The following CCPG1 variants were observed in gnomAD, a reference collection of about 807,000 sequenced individuals.
The protein encoded by CCPG1 is cell cycle progression protein 1.
Under a neutral mutation model 81.3 loss-of-function variants are expected in CCPG1, and 46 were observed. That is an observed-to-expected ratio of 0.57 (90% CI 0.45 to 0.72). CCPG1 has a LOEUF of 0.72. Among genes scored for constraint, CCPG1 ranks in the 30% least tolerant of loss-of-function variants. CCPG1 has a pLI of 0.00. For synonymous variants in CCPG1, 330 were observed against 305.2 expected (o/e 1.08, Z -0.85); for missense variants, 902 against 937.6 (o/e 0.96, Z 0.50).
At chr15:55,374,072 G>T in intron 5 of CCPG1, 1 of 724,024 alleles carries the variant, frequency 1.4e-6, no homozygotes, top group Non-Finnish European at 2.1e-6. Context: ...ATGACAACAG[G>T]TATCTTTAAA....
At chr15:55,362,277 TG>T (rs1441703523) in intron 7 of CCPG1, among the ~76,000 whole-genome samples, 3 of 150,706 alleles carry the variant, frequency 2.0e-5, no homozygotes, top group African/African-American at 7.4e-5. Flanking sequence ...ACAAACGTTA[TG>T]GTTACCCCAT....
intron 6 of CCPG1, among the ~76,000 whole-genome samples, chr15:55,369,491 C>T (rs1595830571): frequency 1.3e-5 from 2 of 150,888 alleles, no homozygotes; most frequent in South Asian, 2.1e-4. Flanking sequence ...GCCGAGATCA[C>T]GCACTGCACT....
At chr15:55,375,915 C>T (rs929529793) in intron 5 of CCPG1, among the ~76,000 whole-genome samples, 2 of 152,108 alleles carry the variant, frequency 1.3e-5, no homozygotes, top group Non-Finnish European at 2.9e-5. Context: ...GTCTCGAAAT[C>T]CTGGGTTCAG....
intron 5 of CCPG1, chr15:55,374,019 C>T: frequency 2.9e-6 from 1 of 342,732 alleles, no homozygotes; most frequent in Non-Finnish European, 5.4e-6. Flanking sequence ...GCTTGGCCAG[C>T]TCCTTTACAA....
At chr15:55,397,698 C>T (rs2057047593) in intron 1 of CCPG1, among the ~76,000 whole-genome samples, 1 of 152,054 alleles carries the variant, frequency 6.6e-6, no homozygotes, top group African/African-American at 2.4e-5. Flanking sequence ...TAAATTGGGC[C>T]GGGCATGGTG....
chr15:55,389,277 A>G (rs2141314895), intron 2 of CCPG1, 88 bp downstream of exon 2: 1 of 969,710 alleles, frequency 1.0e-6, no homozygotes. Flanking sequence ...TTAAAGGTAG[A>G]AAAAGACTGA....
intron 1 of CCPG1, among the ~76,000 whole-genome samples, chr15:55,393,167 G>T (rs2056954984): frequency 7.2e-5 from 11 of 152,138 alleles, no homozygotes. Context: ...GCCAAGAGTG[G>T]CGGCTTGCAC....
In CCPG1 at chr15:55,360,936, T is replaced by C; in HGVS notation, c.837A>G (p.Lys279=). The change falls in exon 8 of 9, where the codon AAA becomes AAG. Residue 279 remains lysine, a synonymous_variant. Transcript: ENST00000442196. ...GTGTCCAACACCTTGCAAGATTTTCTTTCAATGACTACATTTTTTTTTGAA... is the reference window on the plus strand; with the variant it reads ...GTGTCCAACACCTTGCAAGATTTTCCTTCAATGACTACATTTTTTTTTGAA... ...QESFIDYKSL[K]ENLARCWTLT... is the part of the protein sequence containing the mutation. The C allele has an allele frequency of 6.5e-7, 1 of 1,531,202 alleles. No homozygotes were observed. Among genetic ancestry groups the C allele is most frequent in the Non-Finnish European group, 8.7e-7 (1 of 1,144,312 alleles). 94.9% of individuals were successfully genotyped at this position (1,531,202 alleles called of 1,614,324 possible).
chr15:55,387,500 A>T (rs1275630635), intron 2 of CCPG1, among the ~76,000 whole-genome samples: 1 of 152,190 alleles, frequency 6.6e-6, no homozygotes, highest in Non-Finnish European at 1.5e-5. Flanking sequence ...TCTAAACATA[A>T]CTACCTGAAC....
intron 3 of CCPG1, among the ~76,000 whole-genome samples, chr15:55,382,508 C>T (rs1369462051): frequency 1.3e-5 from 2 of 148,564 alleles, no homozygotes; most frequent in African/African-American, 4.9e-5. Flanking sequence ...TCAGGATCCA[C>T]TTCTTTTTTT....
At chr15:55,406,234 A>G (rs1320699839) in intron 1 of CCPG1, among the ~76,000 whole-genome samples, 1 of 133,958 alleles carries the variant, frequency 7.5e-6, no homozygotes, top group African/African-American at 2.6e-5. Context: ...TTTTTTTTGC[A>G]TAAGGGTGGG....
In CCPG1 at chr15:55,355,623, T is replaced by A; in HGVS notation, c.*597A>T. On this transcript the variant is annotated 3_prime_UTR_variant, in exon 9 of 9. Coordinates refer to ENST00000442196, the MANE Select transcript of CCPG1 (RefSeq NM_001204450.2). ...TACATGTTAATACAATGCCAGATTT[T>A]AAATAAAGACCTTTAGTTTTCCTCA... 1 of 414,494 alleles carries A rather than the reference T, an allele frequency of 2.4e-6. No individual in the cohort carries two copies. The highest frequency in any genetic ancestry group is 3.8e-5 in the East Asian group (1 of 26,332). 25.7% of individuals were successfully genotyped at this position (414,494 alleles called of 1,614,324 possible).
chr15:55,386,972 T>C (rs908912892), intron 2 of CCPG1, among the ~76,000 whole-genome samples: 2 of 151,646 alleles, frequency 1.3e-5, no homozygotes, highest in African/African-American at 4.8e-5. Flanking sequence ...GACTCCGAGG[T>C]TGTCTATAGT....
rs962635347 is a variant in CCPG1, at chr15:55,388,463, C to G, written c.60+902G>C. Among the ~76,000 whole-genome samples the G allele has an allele frequency of 3.3e-5, 5 of 152,210 alleles. No individual in the cohort carries two copies. In the South Asian group the frequency reaches 1.0e-3, roughly 31 times the overall value. ...ATAACGTAAATGGAACACATGTTCT[C>G]CATTCTCCTTTCTGATCTGTTCAAA... On this transcript the variant is annotated intron_variant, in intron 2 of 8. Transcript: ENST00000442196.
chr15:55,366,676 G>A (rs1230945486), intron 6 of CCPG1, among the ~76,000 whole-genome samples: 1 of 152,148 alleles, frequency 6.6e-6, no homozygotes, highest in African/African-American at 2.4e-5. Context: ...GGAGGCTGCG[G>A]CAGGAGAATC....
At chr15:55,385,505 A>G in intron 3 of CCPG1, 95 bp downstream of exon 3, 1 of 610,950 alleles carries the variant, frequency 1.6e-6, no homozygotes, top group Non-Finnish European at 2.8e-6. Flanking sequence ...CCCTTAGATT[A>G]GCCAGAAAGG....
intron 1 of CCPG1, among the ~76,000 whole-genome samples, chr15:55,391,537 T>C (rs1380963321): frequency 1.4e-5 from 2 of 143,696 alleles, no homozygotes; most frequent in East Asian, 3.8e-4. Context: ...TTGAAAATTA[T>C]GCAATGACAG....
chr15:55,386,520 T>G (rs1033539180), intron 2 of CCPG1, among the ~76,000 whole-genome samples: 3 of 152,210 alleles, frequency 2.0e-5, no homozygotes, highest in Non-Finnish European at 4.4e-5. Context: ...GTCCCCACTA[T>G]AGTCTGCTGA....
At chr15:55,359,286 T>C in intron 8 of CCPG1, 1 of 1,168,886 alleles carries the variant, frequency 8.6e-7, no homozygotes, top group Non-Finnish European at 1.1e-6. Flanking sequence ...TTATATATTC[T>C]TAACTGATTT....
Sources: gnomAD v4.1 joint callset for allele counts (sites outside exome capture counted in the v4.1 genomes callset) on GRCh38, gnomAD v4.1.1 for gene constraint, MANE v1.5 for transcripts, NCBI Gene and HGNC (gene_info 2026-07-23, HGNC 2026-07-21) for gene names.